TTC21A: variants seen among roughly 807,000 people sequenced by gnomAD.
TTC21A encodes tetratricopeptide repeat protein 21A.
Under a neutral mutation model 156.4 loss-of-function variants are expected in TTC21A, and 128 were observed. The ratio of observed to expected loss-of-function variants is 0.82; its 90% CI spans 0.71 to 0.95. TTC21A has a LOEUF of 0.95. Ranked by LOEUF, TTC21A falls within the 40% of genes least tolerant of loss-of-function variation. The pLI, the probability that TTC21A is intolerant of heterozygous loss-of-function variation, is 0.00. For missense variants in TTC21A, 1,435 were observed against 1,602.3 expected, an observed-to-expected ratio of 0.90 and a Z score of 1.78; for synonymous variants, 587 against 617.1, an observed-to-expected ratio of 0.95 and a Z score of 0.72.
At position 39,137,243 on chromosome 3, in the gene TTC21A, G is replaced by A. The variant is rs762933623; in HGVS notation, c.3306G>A (p.Glu1102=). 6.2e-7 allele frequency: 1 copy of A among 1,614,200 alleles called. No homozygotes were observed. Residue 1102 remains glutamate, a synonymous_variant, in exon 25 of 29, where the codon GAG becomes GAA. Coordinates refer to ENST00000683103, the MANE Select transcript of TTC21A (RefSeq NM_001366900.1). ...ELEQQGVSTA[E]KLLREFYPHS... is the part of the protein sequence containing the mutation. ...AGCAGCAGGGTGTGAGCACCGCCGA[G>A]AAACTGCTGCGTGAGTTTTACCCAC...
intron 19 of TTC21A, 93 bp from the exon 20 acceptor site, chr3:39,132,959 A>T (rs1427057579): frequency 1.1e-5 from 16 of 1,452,362 alleles, no homozygotes; most frequent in African/African-American, 8.6e-5. Context: ...GTCATTTTTC[A>T]TACTTCTGGC....
Position 39,128,950 on chromosome 3 carries a change from C to G in TTC21A, c.1896+18C>G, listed in dbSNP as rs1301854480. On this transcript the variant is annotated intron_variant, in intron 14 of 28. Transcript: ENST00000683103. ...GGGAGCTAGTAAGAAATGCCGTGCT[C>G]TCTTCCCTGGGGACTGGGGCACACT... is the stretch of plus-strand genomic sequence containing the variant. 1 of 1,613,708 alleles carries G rather than the reference C, an allele frequency of 6.2e-7. No individual in the cohort carries two copies. Among genetic ancestry groups the G allele is most frequent in the East Asian group, 2.2e-5 (1 of 44,866 alleles).
At chr3:39,109,052 T>A (rs142085646) in intron 1 of TTC21A, 33 bp from the exon 2 acceptor site, 31,558 of 1,606,790 alleles carry the variant, frequency 0.02, 399 homozygotes, top group Middle Eastern at 0.027. Flanking sequence ...GAGAAGGGAC[T>A]GGGCTATTGC....
chr3:39,128,524 C>T, intron 13 of TTC21A, 36 bp downstream of exon 13: 1 of 1,612,788 alleles, frequency 6.2e-7, no homozygotes, highest in Admixed American at 1.7e-5. Flanking sequence ...ATCCCAAAGC[C>T]CAGCTAGCTG....
At position 39,116,012 on chromosome 3, in the gene TTC21A, A is replaced by G. The variant is rs572722564; in HGVS notation, c.716+1270A>G. On this transcript the variant is annotated intron_variant, in intron 6 of 28. Transcript: ENST00000683103. ...GTGGACCTCAGCTTCCCTCTCTCGCAGTGTAAACCTGGCCTTGGTAGGAGC... is the reference window on the plus strand; with the variant it reads ...GTGGACCTCAGCTTCCCTCTCTCGCGGTGTAAACCTGGCCTTGGTAGGAGC... Among the ~76,000 whole-genome samples the G allele has an allele frequency of 3.9e-4, 60 of 152,366 alleles. 1 individual carries two copies. Among genetic ancestry groups the G allele is most frequent in the Admixed American group, 3.8e-3 (58 of 15,312 alleles).
rs756062919 is a variant in TTC21A at position 39,121,162 on chromosome 3, G to A, written c.1066G>A (p.Asp356Asn). 4.3e-6 allele frequency: 7 copies of A among 1,613,840 alleles called. No individual in the cohort carries two copies. The highest frequency in any genetic ancestry group is 5.9e-6 in the Non-Finnish European group (7 of 1,179,792). Reference sequence around the variant, plus strand: ...GTGGTATTCAGAAGCCATGAAACTGGACAAGGATGGCATGGCTGGTTTGAC... The same window carrying A: ...GTGGTATTCAGAAGCCATGAAACTGAACAAGGATGGCATGGCTGGTTTGAC... ...LLWYSEAMKL[D>N]KDGMAGLTGI... The change falls in exon 9 of 29, where the codon GAC (aspartate) becomes AAC (asparagine). Residue 356 changes from aspartate (D) to asparagine (N), a missense_variant. Coordinates refer to ENST00000683103, the MANE Select transcript of TTC21A (RefSeq NM_001366900.1).
chr3:39,126,520 ACTCT>A (rs1249900644), intron 12 of TTC21A, 130 bp downstream of exon 12: 3 of 821,598 alleles, frequency 3.7e-6, no homozygotes, highest in Non-Finnish European at 5.3e-6. Flanking sequence ...ACACACACAC[ACTCT>A]CCTTGCCTGG....
rs2125873063 is a variant in TTC21A, at chr3:39,137,384, T to C, written c.3447T>C (p.Ala1149=). The C allele has an allele frequency of 2.5e-6, 4 of 1,612,712 alleles. No homozygotes were observed. Among genetic ancestry groups the C allele is most frequent in the Non-Finnish European group, 3.4e-6 (4 of 1,179,068 alleles). ...ALGSFIQIAQ[A]EKDSVPALLA... is the part of the protein sequence containing the mutation. ...GCAGCTTCATCCAGATAGCGCAGGC[T>C]GAGGTGTGGCTGGTGGGGACTGGCG... Residue 1149 remains alanine (A), a synonymous_variant, in exon 25 of 29, where the codon GCT becomes GCC. Transcript: ENST00000683103.
At chr3:39,131,800 C>A (rs537954529) in intron 19 of TTC21A, among the ~76,000 whole-genome samples, 6 of 152,288 alleles carry the variant, frequency 3.9e-5, no homozygotes, top group Non-Finnish European at 5.9e-5. Flanking sequence ...CCATGATAAC[C>A]CATTAATCCA....
chr3:39,133,847 C>T (rs373863366), intron 20 of TTC21A, among the ~76,000 whole-genome samples: 20 of 152,290 alleles, frequency 1.3e-4, no homozygotes, highest in Middle Eastern at 3.4e-3. Flanking sequence ...GGCATGTAGA[C>T]GAGAGCACAG....
At chr3:39,136,307 A>G (rs776501453) in intron 22 of TTC21A, 50 bp from the exon 23 acceptor site, 31 of 1,577,250 alleles carry the variant, frequency 2.0e-5, no homozygotes, top group Non-Finnish European at 2.5e-5. Flanking sequence ...CCCTCATCTG[A>G]TAACAGCTAC....
At chr3:39,128,677 CA>C (rs1275983115) in intron 13 of TTC21A, 39 bp from the exon 14 acceptor site, 1 of 1,599,308 alleles carries the variant, frequency 6.3e-7, no homozygotes, top group East Asian at 2.2e-5. Context: ...GCAGTAGCAG[CA>C]GTGAACTGGA....
chr3:39,124,966 A>G, intron 9 of TTC21A, 97 bp from the exon 10 acceptor site: 1 of 806,718 alleles, frequency 1.2e-6, no homozygotes, highest in African/African-American at 1.7e-5. Flanking sequence ...ACACTGAGAC[A>G]TCTTCCTTCC....
At chr3:39,119,710 G>T in intron 7 of TTC21A, 5 of 402,220 alleles carry the variant, frequency 1.2e-5, no homozygotes, top group Non-Finnish European at 1.8e-5. Context: ...GGTGAATAAT[G>T]TCCCCAGGAG....
intron 19 of TTC21A, among the ~76,000 whole-genome samples, chr3:39,132,494 T>G (rs1026616888): frequency 1.3e-5 from 2 of 152,224 alleles, no homozygotes; most frequent in Non-Finnish European, 2.9e-5. Context: ...TTGAGATGAT[T>G]TATCCCCTTG....
chr3:39,116,986 T>C (rs1244998023), intron 6 of TTC21A, among the ~76,000 whole-genome samples: 1 of 152,156 alleles, frequency 6.6e-6, no homozygotes, highest in African/African-American at 2.4e-5. Context: ...GGATTACAGG[T>C]GTAAGCTACC....
chr3:39,134,780 G>A lies in TTC21A; in HGVS notation c.2863-313G>A. 1.9e-6 allele frequency: 1 copy of A among 515,098 alleles called. No homozygotes were observed. Among genetic ancestry groups the A allele is most frequent in the Non-Finnish European group, 3.5e-6 (1 of 284,320 alleles). The allele number at this position is 515,098 out of a possible 1,614,324, so 31.9% of individuals were successfully genotyped here. Reference sequence around the variant, plus strand: ...CTATTGCCTGGCAGTTCTCAGAATGGGTGGAGAGGCTTCCCCTGTAGGCTG... The same window carrying A: ...CTATTGCCTGGCAGTTCTCAGAATGAGTGGAGAGGCTTCCCCTGTAGGCTG... On this transcript the variant is annotated intron_variant, in intron 21 of 28. Coordinates refer to ENST00000683103, the MANE Select transcript of TTC21A (RefSeq NM_001366900.1). The surrounding 1 kb of genome is among the most constrained non-coding windows in gnomAD (Gnocchi z 4.6).
intron 13 of TTC21A, 111 bp downstream of exon 13, chr3:39,128,599 C>T (rs1274968): frequency 0.65 from 1,017,669 of 1,558,838 alleles, 340,802 homozygotes; most frequent in East Asian, 0.71. Flanking sequence ...TCTTTCTGCT[C>T]GTCCAAAGGC....
At chr3:39,127,785 C>T (rs982021359) in intron 12 of TTC21A, among the ~76,000 whole-genome samples, 23 of 152,308 alleles carry the variant, frequency 1.5e-4, no homozygotes, top group African/African-American at 1.9e-4. Flanking sequence ...TAGGCCTGGA[C>T]GTAAATGCCA....
Sources: allele counts gnomAD v4.1 joint callset (sites outside exome capture counted in the v4.1 genomes callset), GRCh38; gene constraint gnomAD v4.1.1; non-coding constraint Gnocchi (gnomAD v3.1); transcripts MANE v1.5; gene names NCBI Gene and HGNC (gene_info 2026-07-23, HGNC 2026-07-21).